Variants in DISP3 observed in about 807,000 individuals in gnomAD.
DISP3 encodes dispatched RND transporter family member 3.
Under a neutral mutation model 135.3 loss-of-function variants are expected in DISP3, and 101 were observed. The ratio of observed to expected loss-of-function variants is 0.75; its 90% CI spans 0.64 to 0.88. The LOEUF is 0.88. Ranked by LOEUF, DISP3 falls within the 40% of genes least tolerant of loss-of-function variation. The pLI, the probability that DISP3 is intolerant of heterozygous loss-of-function variation, is 0.00. For missense variants in DISP3, 1,713 were observed against 1,878.6 expected (o/e 0.91, Z 1.63); for synonymous variants, 856 against 817.0 (o/e 1.05, Z -0.81).
intron 15 of DISP3, 96 bp downstream of exon 15, chr1:11,530,055 C>T (rs1449710918): frequency 6.7e-7 from 1 of 1,486,140 alleles, no homozygotes; most frequent in Non-Finnish European, 9.0e-7. Flanking sequence ...CTCCTCACAC[C>T]CCCTCTTGGC....
In DISP3 at chr1:11,536,305, G is replaced by C; in HGVS notation, c.3817-19G>C. The stretch of plus-strand genomic sequence containing the variant: ...GTCCCGCAGGCAGGCTGGGCTCCCA[G>C]CTCTCCTCTTGCCCCCAGGACGCCC... On this transcript the variant is annotated intron_variant, in intron 20 of 20. Transcript: ENST00000294484. This position sits in a 1 kb window ranked among gnomAD's most constrained non-coding sequence, Gnocchi z 4.3. 6.3e-7 allele frequency: 1 copy of C among 1,588,492 alleles called. No individual in the cohort carries two copies. Among genetic ancestry groups the C allele is most frequent in the East Asian group, 2.2e-5 (1 of 44,708 alleles).
At position 11,531,794 on chromosome 1, in the gene DISP3, CG is replaced by C. The variant is rs376855262; in HGVS notation, c.3375+91del. 146 of 1,495,058 alleles carry C rather than the reference CG, an allele frequency of 9.8e-5. No individual in the cohort carries two copies. In the African/African-American group the frequency reaches 1.6e-3, roughly 16 times the overall value. 92.6% of individuals were successfully genotyped at this position (1,495,058 alleles called of 1,614,324 possible). A position where few individuals can be genotyped will look rare whatever the true frequency, so the allele number is the denominator to read the frequency against. On this transcript the variant is annotated intron_variant, in intron 17 of 20. Coordinates refer to ENST00000294484, the MANE Select transcript of DISP3 (RefSeq NM_020780.2). The surrounding 1 kb of genome is among the most constrained non-coding windows in gnomAD (Gnocchi z 5.2). ...TCTGATCCCAGCCCTCTTCCCAGATCGGGGGGGAGATGCTGAGGCCCAGAGA... is the reference window on the plus strand; with the variant it reads ...TCTGATCCCAGCCCTCTTCCCAGATCGGGGGGAGATGCTGAGGCCCAGAGA...
At chr1:11,534,989 G>T in intron 18 of DISP3, 22 bp from the exon 19 acceptor site, 1 of 1,554,486 alleles carries the variant, frequency 6.4e-7, no homozygotes, top group East Asian at 2.4e-5. Context: ...GCAGCGCACT[G>T]AGGCCCTGTC....
intron 20 of DISP3, among the ~76,000 whole-genome samples, chr1:11,535,901 C>G (rs551513977): frequency 1.3e-4 from 20 of 152,296 alleles, no homozygotes; most frequent in African/African-American, 4.6e-4. Context: ...CAAGGGGGCC[C>G]TCCTGCTTCA....
rs1243779082 is a variant in DISP3 at position 11,526,744 on chromosome 1, T to A, written c.2707T>A (p.Trp903Arg). ...CCAGGCGGCGAGCCCCTCCCGCAAG[T>A]GGATGCTGACGACCTTGGCCTGTGA... Reference protein sequence around the residue: ...LLQAASPSRKWMLTTLACDAK... With the variant: ...LLQAASPSRKRMLTTLACDAK... Residue 903 changes from tryptophan to arginine, a missense_variant, in exon 13 of 21, where the codon TGG (tryptophan) becomes AGG (arginine). Physicochemically the swap from Trp to Arg is moderately radical, Grantham distance 101 (BLOSUM62 -3). Coordinates refer to ENST00000294484, the MANE Select transcript of DISP3 (RefSeq NM_020780.2). 1.2e-6 allele frequency: 2 copies of A among 1,614,082 alleles called. No homozygotes were observed. Among genetic ancestry groups the A allele is most frequent in the East Asian group, 2.2e-5 (1 of 44,888 alleles).
chr1:11,488,276 C>T (rs1209854511), intron 1 of DISP3, among the ~76,000 whole-genome samples: 3 of 152,182 alleles, frequency 2.0e-5, no homozygotes, highest in East Asian at 1.9e-4. Context: ...CTCCTGTCTC[C>T]GTAGGCAGCT....
rs1052976589 is a variant in DISP3 at position 11,520,017 on chromosome 1, C to G, written c.2200+137C>G. On this transcript the variant is annotated intron_variant, in intron 9 of 20. Coordinates refer to ENST00000294484, the MANE Select transcript of DISP3 (RefSeq NM_020780.2). This position sits in a 1 kb window ranked among gnomAD's most constrained non-coding sequence, Gnocchi z 4.8. The stretch of plus-strand genomic sequence containing the variant: ...GGGGTCTCTCCCTCTCTGACCCCCC[C>G]TCTTTCCTGTGCAGAATGAAGCCGG... 3 of 813,406 alleles carry G rather than the reference C, an allele frequency of 3.7e-6. No individual in the cohort carries two copies. The highest frequency in any genetic ancestry group is 3.8e-6 in the Non-Finnish European group (2 of 529,772). 50.4% of individuals were successfully genotyped at this position (813,406 alleles called of 1,614,324 possible).
Position 11,508,820 on chromosome 1 carries a change from A to C in DISP3, c.1317-5570A>C, listed in dbSNP as rs190395384. On this transcript the variant is annotated intron_variant, in intron 3 of 20. Coordinates refer to ENST00000294484, the MANE Select transcript of DISP3 (RefSeq NM_020780.2). ...TTACACTCTTATTTTAAAATGTACA[A>C]TTAACTTATTATTGACTGTAGTTAC... Among the ~76,000 whole-genome samples, 11 of 152,234 alleles carry C rather than the reference A, an allele frequency of 7.2e-5. No homozygotes were observed. In the East Asian group the frequency reaches 2.1e-3, roughly 29 times the overall value.
At position 11,535,032 on chromosome 1, in the gene DISP3, G is replaced by T; in HGVS notation, c.3557G>T (p.Gly1186Val). 1 of 1,596,200 alleles carries T rather than the reference G, an allele frequency of 6.3e-7. No homozygotes were observed. Among genetic ancestry groups the T allele is most frequent in the Non-Finnish European group, 8.5e-7 (1 of 1,173,852 alleles). The change falls in exon 19 of 21, where the codon GGC becomes GTC. Residue 1186 changes from glycine to valine, a missense_variant. This residue lies in a region of DISP3 where 1,142 missense variants were observed against 1,384.6 expected (regional missense o/e 0.82). Coordinates refer to ENST00000294484, the MANE Select transcript of DISP3 (RefSeq NM_020780.2). ...GCAGGGGTGCAGAGCGCCCTGTGCG[G>T]CCTGGTGCTATCCCTGCTCATCTGC... is the stretch of plus-strand genomic sequence containing the variant. The part of the protein sequence containing the change: ...EIVGVQSALC[G>V]LVLSLLICVA...
At position 11,519,896 on chromosome 1, in the gene DISP3, G is replaced by A. The variant is rs755105889; in HGVS notation, c.2200+16G>A. 3.8e-5 allele frequency: 60 copies of A among 1,594,472 alleles called. No homozygotes were observed. Among genetic ancestry groups the A allele is most frequent in the South Asian group, 2.9e-4 (26 of 89,978 alleles). On this transcript the variant is annotated intron_variant, in intron 9 of 20. Coordinates refer to ENST00000294484, the MANE Select transcript of DISP3 (RefSeq NM_020780.2). The surrounding 1 kb of genome is among the most constrained non-coding windows in gnomAD (Gnocchi z 4.3). The stretch of plus-strand genomic sequence containing the variant: ...GTGATTGTGGGTAAGTGGGCCCTCC[G>A]GCCCTGCCCCCTGTCTCACAGCTCC...
intron 3 of DISP3, among the ~76,000 whole-genome samples, chr1:11,512,759 G>T (rs148023701): frequency 9.9e-4 from 151 of 152,170 alleles, no homozygotes; most frequent in African/African-American, 3.3e-3. Context: ...TACTGTATTA[G>T]TCCGTTTTCA....
In DISP3 at chr1:11,501,819, A is replaced by G. The variant is rs1416597845; in HGVS notation, c.827A>G (p.Glu276Gly). 1 of 1,610,282 alleles carries G rather than the reference A, an allele frequency of 6.2e-7. No homozygotes were observed. The highest frequency in any genetic ancestry group is 1.3e-5 in the African/African-American group (1 of 74,862). ...NTQTHAHWRI[E>G]LIFLARGDAE... Reference sequence around the variant, plus strand: ...CAGACGCACGCGCACTGGCGCATCGAGCTCATCTTCCTGGCGCGCGGCGAC... The same window carrying G: ...CAGACGCACGCGCACTGGCGCATCGGGCTCATCTTCCTGGCGCGCGGCGAC... Residue 276 changes from glutamate (E) to glycine (G), a missense_variant, in exon 2 of 21, where the codon GAG becomes GGG. Transcript: ENST00000294484. This position sits in a 1 kb window ranked among gnomAD's most constrained non-coding sequence, Gnocchi z 4.9.
chr1:11,480,545 G>T (rs1640870659), intron 1 of DISP3, among the ~76,000 whole-genome samples: 1 of 152,058 alleles, frequency 6.6e-6, no homozygotes, highest in South Asian at 2.1e-4. Context: ...ACTCGAGGTT[G>T]CTGTCTCCGG....
rs1642117166 is a variant in DISP3, at chr1:11,519,602, G to A, written c.2038+99G>A. On this transcript the variant is annotated intron_variant, in intron 8 of 20. Coordinates refer to ENST00000294484, the MANE Select transcript of DISP3 (RefSeq NM_020780.2). This position sits in a 1 kb window ranked among gnomAD's most constrained non-coding sequence, Gnocchi z 4.3. ...TGACAAGTTGGTCCTGAGGCTGGGG[G>A]CCGGACAAGATGGCCTGTGGGCTTC... 6.4e-7 allele frequency: 1 copy of A among 1,572,676 alleles called. No individual in the cohort carries two copies. Among genetic ancestry groups the A allele is most frequent in the Non-Finnish European group, 8.6e-7 (1 of 1,158,124 alleles).
chr1:11,492,294 T>G lies in DISP3; in HGVS notation c.-3-8696T>G, dbSNP rs186518874. ...GACACCAGAACAGGAAAAGTGATAG[T>G]GGCTGTTGTGCCCATGAACGTTGGA... On this transcript the variant is annotated intron_variant, in intron 1 of 20. Coordinates refer to ENST00000294484, the MANE Select transcript of DISP3 (RefSeq NM_020780.2). 9.5e-4 allele frequency among the ~76,000 whole-genome samples: 145 copies of G among 152,274 alleles called. 3 individuals carry two copies. Among genetic ancestry groups the G allele is most frequent in the African/African-American group, 3.4e-3 (140 of 41,544 alleles).
At position 11,501,155 on chromosome 1, in the gene DISP3, C is replaced by A; in HGVS notation, c.163C>A (p.Pro55Thr). The change falls in exon 2 of 21, where the codon CCC (proline) becomes ACC (threonine). Residue 55 changes from proline to threonine, a missense_variant. Physicochemically the swap from Pro to Thr is conservative, Grantham distance 38 (BLOSUM62 -1). Around this residue, in one of 2 missense-constraint regions of DISP3, gnomAD observed 571 missense variants for 494.1 expected, o/e 1.16. Transcript: ENST00000294484. This position sits in a 1 kb window ranked among gnomAD's most constrained non-coding sequence, Gnocchi z 4.9. ...CWRHWPLASR[P>T]PASGFWSTLG... ...GCGGCACTGGCCCCTGGCTTCCCGA[C>A]CCCCAGCTTCGGGCTTCTGGAGTAC... is the stretch of plus-strand genomic sequence containing the variant. 1.2e-6 allele frequency: 2 copies of A among 1,613,914 alleles called. No homozygotes were observed. Among genetic ancestry groups the A allele is most frequent in the Non-Finnish European group, 1.7e-6 (2 of 1,179,924 alleles).
chr1:11,525,653 C>T (rs575765135), intron 12 of DISP3, among the ~76,000 whole-genome samples: 1 of 152,376 alleles, frequency 6.6e-6, no homozygotes, highest in African/African-American at 2.4e-5. Flanking sequence ...TGAGGTGAGG[C>T]CTGTGCCGTG....
chr1:11,502,053 A>C lies in DISP3; in HGVS notation c.1061A>C (p.Tyr354Ser). Residue 354 changes from tyrosine (Y) to serine (S), a missense_variant, in exon 2 of 21, where the codon TAT becomes TCT. By Grantham distance (144) the Tyr-to-Ser change is moderately radical. Around this residue, in one of 2 missense-constraint regions of DISP3, gnomAD observed 571 missense variants for 494.1 expected, o/e 1.16. Transcript: ENST00000294484. ...FPTERGGKIYYDGMGQDLADI... is the reference protein window; with the variant it reads ...FPTERGGKIYSDGMGQDLADI... Reference sequence around the variant, plus strand: ...ACCGAGAGGGGCGGCAAGATCTACTATGACGGCATGGGCCAGGACCTGGCG... The same window carrying C: ...ACCGAGAGGGGCGGCAAGATCTACTCTGACGGCATGGGCCAGGACCTGGCG... 1 of 1,592,950 alleles carries C rather than the reference A, an allele frequency of 6.3e-7. No individual in the cohort carries two copies. Among genetic ancestry groups the C allele is most frequent in the Admixed American group, 1.7e-5 (1 of 57,394 alleles).
At position 11,520,805 on chromosome 1, in the gene DISP3, G is replaced by C; in HGVS notation, c.2319G>C (p.Lys773Asn). ...DTNIQVLLDLKYNLSAEGISC... is the reference protein window; with the variant it reads ...DTNIQVLLDLNYNLSAEGISC... ...ACATCCAGGTGCTGCTGGACCTCAAGTACAACCTGAGCGCCGAGGGCATCT... is the reference window on the plus strand; with the variant it reads ...ACATCCAGGTGCTGCTGGACCTCAACTACAACCTGAGCGCCGAGGGCATCT... The change falls in exon 10 of 21, where the codon AAG (lysine) becomes AAC (asparagine). Residue 773 changes from lysine (K) to asparagine (N), a missense_variant. Lys to Asn is a moderately conservative substitution (Grantham distance 94, BLOSUM62 0). Around this residue, in one of 2 missense-constraint regions of DISP3, gnomAD observed 1,142 missense variants for 1,384.6 expected, o/e 0.82. Transcript: ENST00000294484. This position sits in a 1 kb window ranked among gnomAD's most constrained non-coding sequence, Gnocchi z 4.8. 6.2e-7 allele frequency: 1 copy of C among 1,613,130 alleles called. No individual in the cohort carries two copies. Among genetic ancestry groups the C allele is most frequent in the Non-Finnish European group, 8.5e-7 (1 of 1,179,876 alleles).
Sources: allele counts gnomAD v4.1 joint callset (sites outside exome capture counted in the v4.1 genomes callset), GRCh38; gene constraint gnomAD v4.1.1; regional missense constraint gnomAD v4.1.1; non-coding constraint Gnocchi (gnomAD v3.1); transcripts MANE v1.5; gene names NCBI Gene and HGNC (gene_info 2026-07-23, HGNC 2026-07-21).